The following ZNF17 variants were observed in gnomAD, a reference collection of about 807,000 sequenced individuals.
The protein encoded by ZNF17 is zinc finger protein 17 (HPF3, KOX 10).
ZNF17 carries 4 observed loss-of-function variants against 7.7 expected under a neutral mutation model. That is an observed-to-expected ratio of 0.52 (90% CI 0.26 to 1.20). The LOEUF (loss-of-function observed/expected upper bound fraction) is 1.20, where lower values mean the gene tolerates loss of function less well. ZNF17 is among the 50% of genes most tolerant of loss of function. ZNF17 has a pLI of 0.14. For synonymous variants in ZNF17, 249 were observed against 258.8 expected (o/e 0.96, Z 0.36); for missense variants, 738 against 799.5 (o/e 0.92, Z 0.93).
At position 57,420,980 on chromosome 19, in the gene ZNF17, A is replaced by G; in HGVS notation, c.1494A>G (p.Arg498=). ...ATCAGAGAGTTCACACTGGAGAAAG[A>G]CCTTTTGAATGCAGCATTTGTGGGA... ...KSHQRVHTGE[R]PFECSICGKS... is the part of the protein sequence containing the mutation. Residue 498 remains arginine (R), a synonymous_variant, in exon 4 of 4, where the codon AGA becomes AGG. Transcript: ENST00000307658. The G allele has an allele frequency of 6.2e-7, 1 of 1,614,014 alleles. No homozygotes were observed. The highest frequency in any genetic ancestry group is 1.7e-5 in the Admixed American group (1 of 60,008).
At chr19:57,413,406 A>C in intron 1 of ZNF17, 190 bp from the exon 2 acceptor site, 1 of 573,334 alleles carries the variant, frequency 1.7e-6, no homozygotes, top group Middle Eastern at 4.7e-4. Flanking sequence ...AATCCTTTTA[A>C]TCTCTATTTT....
Position 57,421,338 on chromosome 19 carries a change from G to T in ZNF17, c.1852G>T (p.Gly618Trp). Residue 618 changes from glycine to tryptophan, a missense_variant, in exon 4 of 4, where the codon GGG becomes TGG. By Grantham distance (184) the Gly-to-Trp change is radical. Transcript: ENST00000307658. ...GEKPYECSEC[G>W]KVFRYNSSLI... is the part of the protein sequence containing the mutation. Reference sequence around the variant, plus strand: ...AAAGCCTTATGAGTGCAGTGAATGTGGGAAAGTCTTTAGATACAACTCCAG... The same window carrying T: ...AAAGCCTTATGAGTGCAGTGAATGTTGGAAAGTCTTTAGATACAACTCCAG... 1 of 1,614,160 alleles carries T rather than the reference G, an allele frequency of 6.2e-7. No individual in the cohort carries two copies. The highest frequency in any genetic ancestry group is 8.5e-7 in the Non-Finnish European group (1 of 1,180,026).
In ZNF17 at chr19:57,420,092, C is replaced by T. The variant is rs752625025; in HGVS notation, c.606C>T (p.Cys202=). The T allele has an allele frequency of 3.4e-5, 55 of 1,614,220 alleles. No homozygotes were observed. Among genetic ancestry groups the T allele is most frequent in the Non-Finnish European group, 4.0e-5 (47 of 1,180,044 alleles). Residue 202 remains cysteine (C), a synonymous_variant, in exon 4 of 4, where the codon TGC becomes TGT. Transcript: ENST00000307658. ...GCACCCAATGTGGGAAAGACTTTTGCCACCAACATACACTGTTTGAGCACC... is the reference window on the plus strand; with the variant it reads ...GCACCCAATGTGGGAAAGACTTTTGTCACCAACATACACTGTTTGAGCACC... ...YSCTQCGKDF[C]HQHTLFEHQK... is the part of the protein sequence containing the mutation.
chr19:57,413,755 G>T, intron 2 of ZNF17, 119 bp downstream of exon 2: 1 of 1,282,526 alleles, frequency 7.8e-7, no homozygotes, highest in South Asian at 1.3e-5. Flanking sequence ...GGTCCAAGGA[G>T]AGCCTGTAGT....
At chr19:57,417,715 C>T (rs1005302629) in intron 2 of ZNF17, among the ~76,000 whole-genome samples, 197 bp from the exon 3 acceptor site, 1 of 151,802 alleles carries the variant, frequency 6.6e-6, no homozygotes, top group Admixed American at 6.6e-5. Flanking sequence ...GTCATGGTGG[C>T]ACGCGCCTGT....
chr19:57,421,534 G>T lies in ZNF17; in HGVS notation c.*53G>T. 1 of 1,523,964 alleles carries T rather than the reference G, an allele frequency of 6.6e-7. No individual in the cohort carries two copies. The highest frequency in any genetic ancestry group is 1.3e-5 in the South Asian group (1 of 75,330). The allele number at this position is 1,523,964 out of a possible 1,614,324, so 94.4% of individuals were successfully genotyped here. A position where few individuals can be genotyped will look rare whatever the true frequency, so the allele number is the denominator to read the frequency against. On this transcript the variant is annotated 3_prime_UTR_variant, in exon 4 of 4. Transcript: ENST00000307658. ...AAGACTTCACACAGAAATCTACTCTGATTTAGCACTGGGACCTACGTTTTA... is the reference window on the plus strand; with the variant it reads ...AAGACTTCACACAGAAATCTACTCTTATTTAGCACTGGGACCTACGTTTTA...
chr19:57,411,460 C>T (rs761571589), intron 1 of ZNF17, 54 bp downstream of exon 1: 3 of 1,597,052 alleles, frequency 1.9e-6, no homozygotes, highest in Non-Finnish European at 2.6e-6. Flanking sequence ...AGTGCCGAAG[C>T]CCCGAGGAGG....
chr19:57,413,499 A>T (rs1291892846), intron 1 of ZNF17, 97 bp from the exon 2 acceptor site: 1 of 1,313,306 alleles, frequency 7.6e-7, no homozygotes, highest in African/African-American at 1.5e-5. Flanking sequence ...ACCCTCAGAT[A>T]ACTTTGCTCT....
intron 1 of ZNF17, among the ~76,000 whole-genome samples, chr19:57,412,448 ATT>A (rs34661992): frequency 3.9e-4 from 58 of 147,366 alleles, no homozygotes; most frequent in East Asian, 6.0e-4. Context: ...TGTGTAAAAC[ATT>A]TTTTTTTTTT....
Position 57,411,310 on chromosome 19 carries a change from G to A in ZNF17, c.-117G>A. ...GTGAGGCTCGGTTGAATCGGTTGCA[G>A]GCGTTGGTGCCTCTGTCAGCGTCCA... On this transcript the variant is annotated 5_prime_UTR_variant, in exon 1 of 4. Coordinates refer to ENST00000307658, the MANE Select transcript of ZNF17 (RefSeq NM_001330617.2). 3 of 1,563,892 alleles carry A rather than the reference G, an allele frequency of 1.9e-6. No homozygotes were observed. Among genetic ancestry groups the A allele is most frequent in the Non-Finnish European group, 2.6e-6 (3 of 1,153,448 alleles).
At chr19:57,414,612 G>A (rs1243491163) in intron 2 of ZNF17, among the ~76,000 whole-genome samples, 2 of 152,146 alleles carry the variant, frequency 1.3e-5, no homozygotes, top group Non-Finnish European at 2.9e-5. Flanking sequence ...TGGGATTACA[G>A]GTATGAGCCA....
At chr19:57,418,155 G>A in intron 3 of ZNF17, 117 bp downstream of exon 3, 1 of 1,357,286 alleles carries the variant, frequency 7.4e-7, no homozygotes, top group Non-Finnish European at 1.0e-6. Context: ...TGGTTTCCTG[G>A]CATATGTGTT....
At position 57,421,615 on chromosome 19, in the gene ZNF17, T is replaced by TA; in HGVS notation, c.*137dup. On this transcript the variant is annotated 3_prime_UTR_variant, in exon 4 of 4. Transcript: ENST00000307658. Reference sequence around the variant, plus strand: ...ATAAAATCTAACATCTTAACCATGTTAAAGTGTATAGTTCAGTACTGTTAA... The same window carrying TA: ...ATAAAATCTAACATCTTAACCATGTTAAAAGTGTATAGTTCAGTACTGTTAA... 1 of 1,055,146 alleles carries TA rather than the reference T, an allele frequency of 9.5e-7. No individual in the cohort carries two copies. The highest frequency in any genetic ancestry group is 1.3e-6 in the Non-Finnish European group (1 of 743,892). 65.4% of individuals were successfully genotyped at this position (1,055,146 alleles called of 1,614,324 possible).
intron 1 of ZNF17, among the ~76,000 whole-genome samples, chr19:57,412,467 C>CA (rs200688423): frequency 0.017 from 2,503 of 143,862 alleles, 61 homozygotes; most frequent in African/African-American, 0.06. Context: ...TTTTTTGAGA[C>CA]AGAGTCTCGC....
intron 1 of ZNF17, among the ~76,000 whole-genome samples, chr19:57,412,990 A>G (rs1600092811): frequency 6.8e-6 from 1 of 146,830 alleles, no homozygotes; most frequent in East Asian, 2.1e-4. Context: ...CGATTCTCCT[A>G]CCTCAGCCTC....
At chr19:57,412,619 C>A (rs1442024252) in intron 1 of ZNF17, among the ~76,000 whole-genome samples, 2 of 151,468 alleles carry the variant, frequency 1.3e-5, no homozygotes, top group African/African-American at 4.9e-5. Context: ...TAATTTTTTG[C>A]ATTTTTAGTA....
In ZNF17 at chr19:57,421,474, C is replaced by T. The variant is rs1160585670; in HGVS notation, c.1988C>T (p.Thr663Ile). Residue 663 changes from threonine to isoleucine, a missense_variant, in exon 4 of 4, where the codon ACC becomes ATC. Physicochemically the swap from Thr to Ile is moderately conservative, Grantham distance 89 (BLOSUM62 -1). Transcript: ENST00000307658. ...CTCATTCAGCACCAGAAAGTTCACA[C>T]CAGATAAAGAATGTATATATAAAGC... ...SHLIQHQKVH[T>I]R The T allele has an allele frequency of 6.2e-7, 1 of 1,601,216 alleles. No homozygotes were observed. Among genetic ancestry groups the T allele is most frequent in the East Asian group, 2.2e-5 (1 of 44,738 alleles).
At chr19:57,411,523 G>T in intron 1 of ZNF17, 117 bp downstream of exon 1, 1 of 1,482,554 alleles carries the variant, frequency 6.7e-7, no homozygotes, top group Non-Finnish European at 9.0e-7. Context: ...TCTTGTGTGG[G>T]GTACCGGTGT....
Position 57,421,574 on chromosome 19 carries a change from G to C in ZNF17, c.*93G>C. 7.5e-7 allele frequency: 1 copy of C among 1,332,990 alleles called. No individual in the cohort carries two copies. The highest frequency in any genetic ancestry group is 1.0e-6 in the Non-Finnish European group (1 of 978,168). 82.6% of individuals were successfully genotyped at this position (1,332,990 alleles called of 1,614,324 possible). On this transcript the variant is annotated 3_prime_UTR_variant, in exon 4 of 4. Coordinates refer to ENST00000307658, the MANE Select transcript of ZNF17 (RefSeq NM_001330617.2). ...CCTACGTTTTAAAAAAAGTATTCTT[G>C]TAGAATACAGATAACATAAAATCTA...
Sources: gnomAD v4.1 joint callset for allele counts (sites outside exome capture counted in the v4.1 genomes callset) on GRCh38, gnomAD v4.1.1 for gene constraint, MANE v1.5 for transcripts, NCBI Gene and HGNC (gene_info 2026-07-23, HGNC 2026-07-21) for gene names.